Variants in MIEF1 observed in about 807,000 individuals in gnomAD.
MIEF1 encodes mitochondrial dynamics protein MIEF1.
Under a neutral mutation model 35.1 loss-of-function variants are expected in MIEF1, and 14 were observed. The ratio of observed to expected loss-of-function variants is 0.40; its 90% CI spans 0.26 to 0.62. The LOEUF (loss-of-function observed/expected upper bound fraction) is 0.62. MIEF1 is among the 20% of genes least tolerant of loss of function. MIEF1 has a pLI of 0.43. For missense variants in MIEF1, 542 were observed against 615.4 expected, an observed-to-expected ratio of 0.88 and a Z score of 1.26; for synonymous variants, 245 against 254.3, an observed-to-expected ratio of 0.96 and a Z score of 0.35.
intron 2 of MIEF1, among the ~76,000 whole-genome samples, chr22:39,508,582 C>T (rs549871191): frequency 2.7e-4 from 41 of 152,318 alleles, no homozygotes; most frequent in East Asian, 7.7e-4. Context: ...TGGTTTGTCC[C>T]GTCTCTATCT....
At position 39,513,802 on chromosome 22, in the gene MIEF1, C is replaced by G; in HGVS notation, c.871C>G (p.Pro291Ala). 1 of 1,614,114 alleles carries G rather than the reference C, an allele frequency of 6.2e-7. No homozygotes were observed. Among genetic ancestry groups the G allele is most frequent in the Non-Finnish European group, 8.5e-7 (1 of 1,180,040 alleles). ...SLLDYVIRPA[P>A]PPEALTLEVQ... The stretch of plus-strand genomic sequence containing the variant: ...CTTGGACTATGTGATCCGCCCGGCC[C>G]CACCCCCAGAAGCCCTCACACTGGA... The change falls in exon 6 of 6, where the codon CCA becomes GCA. Residue 291 changes from proline to alanine, a missense_variant. Physicochemically the swap from Pro to Ala is conservative, Grantham distance 27. Coordinates refer to ENST00000325301, the MANE Select transcript of MIEF1 (RefSeq NM_019008.6).
intron 4 of MIEF1, 38 bp from the exon 5 acceptor site, chr22:39,512,194 G>A (rs1241471254): frequency 1.3e-6 from 2 of 1,598,402 alleles, no homozygotes; most frequent in South Asian, 2.2e-5. Flanking sequence ...GAGCAGGCAT[G>A]GGCAGAGCTC....
chr22:39,506,512 G>T (rs971760286), intron 2 of MIEF1, among the ~76,000 whole-genome samples: 1 of 152,176 alleles, frequency 6.6e-6, no homozygotes, highest in African/African-American at 2.4e-5. Flanking sequence ...GATTGTTGTT[G>T]TGAGGATTGA....
rs1929907645 is a variant in MIEF1, at chr22:39,504,349, G to A, written c.-193G>A. 2 of 398,878 alleles carry A rather than the reference G, an allele frequency of 5.0e-6. No homozygotes were observed. The highest frequency in any genetic ancestry group is 8.8e-6 in the Non-Finnish European group (2 of 226,092). 24.7% of individuals were successfully genotyped at this position (398,878 alleles called of 1,614,324 possible). A position where few individuals can be genotyped will look rare whatever the true frequency, so the allele number is the denominator to read the frequency against. Reference sequence around the variant, plus strand: ...TTTGCCTCCATCCGCCGTGAATTCCGAAAAAATCAGAAGCTAGAGGACGCT... The same window carrying A: ...TTTGCCTCCATCCGCCGTGAATTCCAAAAAAATCAGAAGCTAGAGGACGCT... On this transcript the variant is annotated 5_prime_UTR_variant, in exon 2 of 6. Transcript: ENST00000325301.
At chr22:39,507,854 T>G (rs1380628693) in intron 2 of MIEF1, among the ~76,000 whole-genome samples, 1 of 151,768 alleles carries the variant, frequency 6.6e-6, no homozygotes, top group Non-Finnish European at 1.5e-5. Context: ...GACAGAGTGA[T>G]ACTCAGTCTC....
At position 39,513,861 on chromosome 22, in the gene MIEF1, T is replaced by G; in HGVS notation, c.930T>G (p.Ile310Met). Residue 310 changes from isoleucine (I) to methionine (M), a missense_variant, in exon 6 of 6, where the codon ATT becomes ATG. Physicochemically the swap from Ile to Met is conservative, Grantham distance 10 (BLOSUM62 1). Coordinates refer to ENST00000325301, the MANE Select transcript of MIEF1 (RefSeq NM_019008.6). ...ATGAGCGTGACAAACATCTCTTCAT[T>G]GACTTCCTGCCATCAGTGACCCTCG... ...VQYERDKHLF[I>M]DFLPSVTLGD... The G allele has an allele frequency of 6.2e-7, 1 of 1,614,058 alleles. No homozygotes were observed. Among genetic ancestry groups the G allele is most frequent in the Non-Finnish European group, 8.5e-7 (1 of 1,180,012 alleles).
chr22:39,507,928 C>T (rs1003052123), intron 2 of MIEF1, among the ~76,000 whole-genome samples: 1 of 152,144 alleles, frequency 6.6e-6, no homozygotes, highest in African/African-American at 2.4e-5. Flanking sequence ...ATTTTCAAGG[C>T]CGTTTTAGAG....
intron 2 of MIEF1, among the ~76,000 whole-genome samples, chr22:39,510,355 A>T (rs1428606360): frequency 1.3e-5 from 2 of 151,706 alleles, no homozygotes; most frequent in Non-Finnish European, 2.9e-5. Context: ...GTAGCCTCAA[A>T]CTCCTGGGCT....
intron 2 of MIEF1, among the ~76,000 whole-genome samples, chr22:39,506,975 C>G (rs1409412066): frequency 6.6e-6 from 1 of 152,164 alleles, no homozygotes; most frequent in Non-Finnish European, 1.5e-5. Flanking sequence ...AACTCTGTAC[C>G]CATTAAGCAA....
chr22:39,504,767 T>A, intron 2 of MIEF1: 2 of 196,518 alleles, frequency 1.0e-5, no homozygotes, highest in Non-Finnish European at 2.0e-5. Context: ...GGTGACAGAA[T>A]GAGACCCTGT....
Position 39,514,825 on chromosome 22 carries a change from C to G in MIEF1, c.*502C>G, listed in dbSNP as rs1422243981. The G allele has an allele frequency of 8.6e-6, 2 of 231,910 alleles. No individual in the cohort carries two copies. The highest frequency in any genetic ancestry group is 4.5e-5 in the African/African-American group (2 of 44,006). The allele number at this position is 231,910 out of a possible 1,614,324, so 14.4% of individuals were successfully genotyped here. A position where few individuals can be genotyped will look rare whatever the true frequency, so the allele number is the denominator to read the frequency against. Reference sequence around the variant, plus strand: ...TGTGATAGCATGTTTCAAAGCTGAACTCTACAGAGCGAGTGCTGAGACAGT... The same window carrying G: ...TGTGATAGCATGTTTCAAAGCTGAAGTCTACAGAGCGAGTGCTGAGACAGT... On this transcript the variant is annotated 3_prime_UTR_variant, in exon 6 of 6. Transcript: ENST00000325301.
rs998232219 is a variant in MIEF1, at chr22:39,517,638, C to T, written c.*3315C>T. 1.3e-5 allele frequency: 6 copies of T among 470,740 alleles called. No homozygotes were observed. Among genetic ancestry groups the T allele is most frequent in the Non-Finnish European group, 2.2e-5 (5 of 226,936 alleles). 29.2% of individuals were successfully genotyped at this position (470,740 alleles called of 1,614,324 possible). The stretch of plus-strand genomic sequence containing the variant: ...TCCTTGGGACTGACTTGGCTGAGAA[C>T]GTGTTCTGTCAGAGGATTTGTTAGA... On this transcript the variant is annotated 3_prime_UTR_variant, in exon 6 of 6. Transcript: ENST00000325301.
chr22:39,511,146 T>C, intron 2 of MIEF1, 142 bp from the exon 3 acceptor site: 1 of 1,012,982 alleles, frequency 9.9e-7, no homozygotes, highest in Non-Finnish European at 1.4e-6. Flanking sequence ...CTCCAGACCC[T>C]AAAGCATGCA....
chr22:39,511,453 C>T lies in MIEF1; in HGVS notation c.144+15C>T. The T allele has an allele frequency of 1.3e-6, 2 of 1,543,306 alleles. No homozygotes were observed. Among genetic ancestry groups the T allele is most frequent in the Non-Finnish European group, 1.8e-6 (2 of 1,140,280 alleles). ...CAGTTAAGCGGGTAAGTGCATGCAG[C>T]CAGGGCTGGGGGTGGAATGTAGTGG... On this transcript the variant is annotated intron_variant, in intron 3 of 5. Coordinates refer to ENST00000325301, the MANE Select transcript of MIEF1 (RefSeq NM_019008.6).
At chr22:39,510,211 G>A (rs1420814227) in intron 2 of MIEF1, among the ~76,000 whole-genome samples, 1 of 152,118 alleles carries the variant, frequency 6.6e-6, no homozygotes. Flanking sequence ...GCCTGCCTCG[G>A]CCTCCCAAAG....
intron 5 of MIEF1, 107 bp from the exon 6 acceptor site, chr22:39,513,410 T>C (rs1174179460): frequency 8.3e-7 from 1 of 1,203,402 alleles, no homozygotes; most frequent in South Asian, 1.4e-5. Flanking sequence ...GGCCTAGAGT[T>C]CCCATTCTTG....
chr22:39,503,102 T>C (rs1334468177), intron 1 of MIEF1: 1 of 152,238 alleles, frequency 6.6e-6, no homozygotes, highest in African/African-American at 2.4e-5. Context: ...TGCCAAGCGC[T>C]GTGCTGGGAA....
intron 2 of MIEF1, 135 bp downstream of exon 2, chr22:39,504,669 T>C (rs1268331157): frequency 3.0e-6 from 1 of 328,284 alleles, no homozygotes; most frequent in African/African-American, 2.1e-5. Context: ...TAGTCCCAAC[T>C]CTGCAGGAGG....
At chr22:39,501,691 A>T (rs1360102183), upstream of MIEF1, 2 of 152,284 alleles carry the variant, frequency 1.3e-5, no homozygotes, top group African/African-American at 2.4e-5. Flanking sequence ...ATGAGGCGTA[A>T]GATGTGCAGA....
Sources: allele counts gnomAD v4.1 joint callset (sites outside exome capture counted in the v4.1 genomes callset), GRCh38; gene constraint gnomAD v4.1.1; transcripts MANE v1.5; gene names NCBI Gene and HGNC (gene_info 2026-07-23, HGNC 2026-07-21).